MAP3K19: variants seen among roughly 807,000 people sequenced by gnomAD.
MAP3K19 encodes SPS1/STE20-related protein kinase YSK4.
A neutral mutation model predicts 114.4 loss-of-function variants in MAP3K19; 91 were observed. The observed-to-expected ratio is 0.80, with a 90% CI of 0.67 to 0.95. The LOEUF (loss-of-function observed/expected upper bound fraction) is 0.95. Among genes scored for constraint, MAP3K19 ranks in the 40% least tolerant of loss-of-function variants. MAP3K19 has a pLI of 0.00. For missense variants in MAP3K19, 1,471 were observed against 1,573.2 expected, an observed-to-expected ratio of 0.94 and a Z score of 1.10; for synonymous variants, 518 against 530.5, an observed-to-expected ratio of 0.98 and a Z score of 0.32.
chr2:135,002,861 C>T (rs564220283), intron 6 of MAP3K19, among the ~76,000 whole-genome samples: 5 of 152,240 alleles, frequency 3.3e-5, no homozygotes, highest in African/African-American at 1.2e-4. Flanking sequence ...GGGAATCCTT[C>T]CTGACAATCC....
chr2:135,030,280 C>T (rs1462561661), intron 3 of MAP3K19, 32 bp downstream of exon 3: 1 of 152,506 alleles, frequency 6.6e-6, no homozygotes, highest in African/African-American at 2.4e-5. Context: ...ATCCACTCAC[C>T]CACCCAAAGA....
intron 6 of MAP3K19, among the ~76,000 whole-genome samples, chr2:135,004,636 C>T (rs1240524966): frequency 6.6e-6 from 1 of 152,216 alleles, no homozygotes; most frequent in Non-Finnish European, 1.5e-5. Context: ...GAATAGATGA[C>T]AGACAAATGG....
At chr2:134,978,568 C>G (rs10928525) in intron 12 of MAP3K19, among the ~76,000 whole-genome samples, 22,915 of 152,186 alleles carry the variant, frequency 0.15, 1,890 homozygotes, top group Middle Eastern at 0.22. Context: ...TCCATAGCTT[C>G]AAATGTCTCC....
intron 5 of MAP3K19, 121 bp downstream of exon 5, chr2:135,021,594 T>C: frequency 3.3e-6 from 2 of 605,828 alleles, no homozygotes; most frequent in South Asian, 4.6e-5. Flanking sequence ...AAATATGCTT[T>C]TTTATGATTA....
In MAP3K19 at chr2:134,997,821, A is replaced by AAAAAAAAAAAAAAAC. The variant is rs1482939296; in HGVS notation, c.574+916_574+917insGTTTTTTTTTTTTTT. ...TGACAGAGCGAGACTCCGTCTCAAA[A>AAAAAAAAAAAAAAAC]AAAAAAAAACTTTAAGCACTGCTTC... On this transcript the variant is annotated intron_variant, in intron 8 of 12. Transcript: ENST00000392915. 1.1e-4 allele frequency among the ~76,000 whole-genome samples: 15 copies of AAAAAAAAAAAAAAAC among 142,594 alleles called. 1 individual carries two copies. Among genetic ancestry groups the AAAAAAAAAAAAAAAC allele is most frequent in the Non-Finnish European group, 2.1e-4 (14 of 67,298 alleles). 93.5% of individuals were successfully genotyped at this position (142,594 alleles called of 152,430 possible).
At position 134,999,707 on chromosome 2, in the gene MAP3K19, T is replaced by C. The variant is rs559000403; in HGVS notation, c.314+230A>G. Among the ~76,000 whole-genome samples the C allele has an allele frequency of 6.6e-6, 1 of 152,280 alleles. No homozygotes were observed. Among genetic ancestry groups the C allele is most frequent in the Non-Finnish European group, 1.5e-5 (1 of 68,032 alleles). On this transcript the variant is annotated intron_variant, in intron 7 of 12. Coordinates refer to ENST00000392915, the MANE Select transcript of MAP3K19 (RefSeq NM_025052.5). This position sits in a 1 kb window ranked among gnomAD's most constrained non-coding sequence, Gnocchi z 4.1. ...CAGCCACACTCATTTGTTTACATATTGTCTATGGCTGCATTCAAATGACAG... is the reference window on the plus strand; with the variant it reads ...CAGCCACACTCATTTGTTTACATATCGTCTATGGCTGCATTCAAATGACAG...
At chr2:134,975,549 G>A (rs1482158421) in intron 12 of MAP3K19, among the ~76,000 whole-genome samples, 1 of 152,146 alleles carries the variant, frequency 6.6e-6, no homozygotes, top group Non-Finnish European at 1.5e-5. Context: ...CCAGGGCCCT[G>A]GCATGATGAT....
chr2:135,013,287 G>A (rs1268792777), intron 5 of MAP3K19, among the ~76,000 whole-genome samples: 2 of 151,134 alleles, frequency 1.3e-5, no homozygotes, highest in East Asian at 1.9e-4. Context: ...GCTCCAGCCT[G>A]GGCGACAGAG....
chr2:134,991,860 C>T (rs1685604050), intron 8 of MAP3K19, among the ~76,000 whole-genome samples: 1 of 152,178 alleles, frequency 6.6e-6, no homozygotes, highest in East Asian at 1.9e-4. Flanking sequence ...ACTCACAGAA[C>T]ATTGTAATGC....
intron 5 of MAP3K19, among the ~76,000 whole-genome samples, chr2:135,016,687 T>C (rs1236415736): frequency 6.6e-6 from 1 of 152,202 alleles, no homozygotes; most frequent in African/African-American, 2.4e-5. Context: ...TTTTCAGCAA[T>C]ATTTTACTAC....
At chr2:134,990,962 AG>A (rs1462035709) in intron 9 of MAP3K19, among the ~76,000 whole-genome samples, 1 of 152,046 alleles carries the variant, frequency 6.6e-6, no homozygotes, top group Non-Finnish European at 1.5e-5. Context: ...TGGGAGGCTA[AG>A]GGGGAGTATT....
intron 9 of MAP3K19, among the ~76,000 whole-genome samples, chr2:134,989,950 C>T (rs1398714084): frequency 2.0e-5 from 3 of 151,890 alleles, no homozygotes; most frequent in African/African-American, 7.3e-5. Flanking sequence ...GGTGTGGTGG[C>T]AGGTGCCTGT....
chr2:135,028,781 A>G lies in MAP3K19; in HGVS notation c.-95+1531T>C, dbSNP rs1264238725. 9.2e-5 allele frequency among the ~76,000 whole-genome samples: 14 copies of G among 152,298 alleles called. No individual in the cohort carries two copies. In the East Asian group the frequency reaches 2.7e-3, roughly 29 times the overall value. ...TCTCTATTTCACTTTATGCCATGTA[A>G]GTATACTCAGTGTCTCTACCTCAGC... On this transcript the variant is annotated intron_variant, in intron 3 of 12. Coordinates refer to ENST00000392915, the MANE Select transcript of MAP3K19 (RefSeq NM_025052.5).
Position 134,999,148 on chromosome 2 carries a change from G to T in MAP3K19, c.315-151C>A. ...GAAAGGCTGAATCCTGAGAGGGTAA[G>T]ACATCTCCACCTGCTGACTCCTCCT... On this transcript the variant is annotated intron_variant, in intron 7 of 12. Coordinates refer to ENST00000392915, the MANE Select transcript of MAP3K19 (RefSeq NM_025052.5). This position sits in a 1 kb window ranked among gnomAD's most constrained non-coding sequence, Gnocchi z 4.1. 4.5e-6 allele frequency: 4 copies of T among 896,076 alleles called. No individual in the cohort carries two copies. The South Asian group carries it at 6.8e-5, about 15-fold the overall frequency. The allele number at this position is 896,076 out of a possible 1,614,324, so 55.5% of individuals were successfully genotyped here.
intron 5 of MAP3K19, among the ~76,000 whole-genome samples, chr2:135,006,061 T>G (rs1191506372): frequency 5.3e-5 from 8 of 152,232 alleles, no homozygotes; most frequent in Admixed American, 1.3e-4. Flanking sequence ...TAAATCATGG[T>G]GCATAACCTC....
At chr2:135,002,060 G>A (rs1197595229) in intron 6 of MAP3K19, among the ~76,000 whole-genome samples, 2 of 152,278 alleles carry the variant, frequency 1.3e-5, no homozygotes, top group East Asian at 3.9e-4. Flanking sequence ...CTGTGGATAA[G>A]GCCTCTCAAG....
At position 134,977,047 on chromosome 2, in the gene MAP3K19, G is replaced by GAAA. The variant is rs369837575; in HGVS notation, c.3920+3771_3920+3773dup. On this transcript the variant is annotated intron_variant, in intron 12 of 12. Transcript: ENST00000392915. Reference sequence around the variant, plus strand: ...GGTAACAAAGCAAGACTCCGTCTCGGAAAAAAAAAAAAAAAAAAAATTCTT... The same window carrying GAAA: ...GGTAACAAAGCAAGACTCCGTCTCGGAAAAAAAAAAAAAAAAAAAAAAATTCTT... Among the ~76,000 whole-genome samples, 123 of 116,172 alleles carry GAAA rather than the reference G, an allele frequency of 1.1e-3. 1 individual carries two copies. Among genetic ancestry groups the GAAA allele is most frequent in the African/African-American group, 2.0e-3 (62 of 31,430 alleles). 76.2% of individuals were successfully genotyped at this position (116,172 alleles called of 152,430 possible).
chr2:134,967,999 C>A (rs1683501025), intron 12 of MAP3K19, among the ~76,000 whole-genome samples: 1 of 152,054 alleles, frequency 6.6e-6, no homozygotes, highest in Non-Finnish European at 1.5e-5. Flanking sequence ...AGGCAGAGGA[C>A]CCTGCGGCCT....
chr2:135,005,607 T>A, intron 5 of MAP3K19, 76 bp from the exon 6 acceptor site: 1 of 1,078,980 alleles, frequency 9.3e-7, no homozygotes, highest in Non-Finnish European at 1.4e-6. Context: ...GAATGTTGAT[T>A]TTTCTGGGCT....
Sources: gnomAD v4.1 joint callset for allele counts (sites outside exome capture counted in the v4.1 genomes callset) on GRCh38, gnomAD v4.1.1 for gene constraint, Gnocchi (gnomAD v3.1) non-coding constraint, MANE v1.5 for transcripts, NCBI Gene and HGNC (gene_info 2026-07-23, HGNC 2026-07-21) for gene names.